Variants in COL4A4 observed in about 807,000 individuals in gnomAD.
The protein encoded by COL4A4 is collagen alpha-4(IV) chain.
A neutral mutation model predicts 192.9 loss-of-function variants in COL4A4; 105 were observed. That is an observed-to-expected ratio of 0.54 (90% CI 0.46 to 0.64). COL4A4 has a LOEUF of 0.64. Among genes scored for constraint, COL4A4 ranks in the 30% least tolerant of loss-of-function variants. COL4A4 has a pLI of 0.00. For missense variants in COL4A4, 1,967 were observed against 2,169.3 expected (o/e 0.91, Z 1.85); for synonymous variants, 762 against 769.9 (o/e 0.99, Z 0.17).
At chr2:227,035,739 G>A (rs570784791) in intron 37 of COL4A4, among the ~76,000 whole-genome samples, 1 of 151,866 alleles carries the variant, frequency 6.6e-6, no homozygotes, top group Admixed American at 6.6e-5. Context: ...ATAAATTTTC[G>A]GGGGGACCAC....
At chr2:227,016,702 C>A (rs986797727) in intron 44 of COL4A4, among the ~76,000 whole-genome samples, 2 of 152,184 alleles carry the variant, frequency 1.3e-5, no homozygotes. Flanking sequence ...TACATCCCTA[C>A]GACCAGCCAG....
chr2:227,077,427 T>C (rs1184766676), intron 25 of COL4A4, among the ~76,000 whole-genome samples: 1 of 152,008 alleles, frequency 6.6e-6, no homozygotes. Context: ...CGCTCATAAG[T>C]GGGAGTTGAA....
chr2:226,989,344 A>G, the COL4A4 span, among the ~76,000 whole-genome samples: 237 of 152,340 alleles, frequency 1.6e-3, no homozygotes, highest in Non-Finnish European at 2.5e-3. Context: ...GGAAAAATCT[A>G]TAGTTAGAAA....
In COL4A4 at chr2:227,030,595, G is replaced by T. The variant is rs757873496; in HGVS notation, c.3821C>A (p.Ala1274Glu). 1 of 1,598,138 alleles carries T rather than the reference G, an allele frequency of 6.3e-7. No homozygotes were observed. The highest frequency in any genetic ancestry group is 8.5e-7 in the Non-Finnish European group (1 of 1,174,248). Residue 1274 changes from alanine (A) to glutamate (E), a missense_variant, in exon 41 of 48, where the codon GCA (alanine) becomes GAA (glutamate). Coordinates refer to ENST00000396625, the MANE Select transcript of COL4A4 (RefSeq NM_000092.5). ...CCCAGGGAGGCCTGGAGGCCCAGGT[G>T]CTCCTGACCACAGAGAAGAGACAAA... The part of the protein sequence containing the change: ...GPPGPDGPRG[A>E]PGPPGLPGSV...
intron 25 of COL4A4, among the ~76,000 whole-genome samples, chr2:227,063,525 T>G (rs1267189855): frequency 6.6e-6 from 1 of 152,110 alleles, no homozygotes; most frequent in Non-Finnish European, 1.5e-5. Context: ...GTTCTAAAAC[T>G]TCACAACTAG....
chr2:227,015,294 C>T (rs956131416), intron 44 of COL4A4, among the ~76,000 whole-genome samples: 4 of 152,224 alleles, frequency 2.6e-5, no homozygotes, highest in East Asian at 3.9e-4. Flanking sequence ...AGTTGCTTAT[C>T]GTAGTGAGAA....
chr2:227,148,696 C>T (rs10173673), intron 1 of COL4A4, among the ~76,000 whole-genome samples: 58,223 of 151,604 alleles, frequency 0.38, 11,316 homozygotes, highest in Non-Finnish European at 0.42. Context: ...AAACTTGACT[C>T]GAAGAAGTCT....
At chr2:227,067,577 T>A (rs1576283689) in intron 25 of COL4A4, among the ~76,000 whole-genome samples, 3 of 151,606 alleles carry the variant, frequency 2.0e-5, no homozygotes, top group East Asian at 1.9e-4. Context: ...TCAAAACCAC[T>A]CAACTACATG....
At position 227,006,478 on chromosome 2, in the gene COL4A4, G is replaced by C. The variant is rs960169362; in HGVS notation, c.*847C>G. 1 of 152,504 alleles carries C rather than the reference G, an allele frequency of 6.6e-6. No homozygotes were observed. The highest frequency in any genetic ancestry group is 1.5e-5 in the Non-Finnish European group (1 of 68,050). 9.4% of individuals were successfully genotyped at this position (152,504 alleles called of 1,614,324 possible). ...GTCTGTCTGGAAGTTCACTGCAATG[G>C]GGAGTCAATTTTTGTGAATAACTAC... On this transcript the variant is annotated 3_prime_UTR_variant, in exon 48 of 48. Coordinates refer to ENST00000396625, the MANE Select transcript of COL4A4 (RefSeq NM_000092.5).
the COL4A4 span, among the ~76,000 whole-genome samples, chr2:226,978,310 C>A: frequency 1.3e-5 from 2 of 152,054 alleles, no homozygotes; most frequent in African/African-American, 4.8e-5. Context: ...GCCTGCTAGC[C>A]CCCCATTAAA....
downstream of COL4A4, chr2:226,999,250 C>T (rs1960342090): frequency 1.3e-5 from 2 of 152,172 alleles, no homozygotes; most frequent in Admixed American, 6.5e-5. Flanking sequence ...CGCACATAAA[C>T]ACTAGTGCCT....
chr2:226,968,055 T>C, the COL4A4 span, among the ~76,000 whole-genome samples: 1 of 152,350 alleles, frequency 6.6e-6, no homozygotes, highest in East Asian at 1.9e-4. Flanking sequence ...TCTGTCCTGC[T>C]CTTGCATAAC....
At chr2:227,145,760 T>G (rs1248905581) in intron 2 of COL4A4, among the ~76,000 whole-genome samples, 1 of 152,204 alleles carries the variant, frequency 6.6e-6, no homozygotes, top group Non-Finnish European at 1.5e-5. Context: ...TACAGATGTT[T>G]ACAGGGCTGT....
At chr2:226,977,644 C>T in the COL4A4 span, among the ~76,000 whole-genome samples, 2 of 152,016 alleles carry the variant, frequency 1.3e-5, no homozygotes, top group Admixed American at 6.5e-5. Context: ...AGTTGTCATC[C>T]GAGGTAAATA....
intron 2 of COL4A4, among the ~76,000 whole-genome samples, chr2:227,145,556 G>A (rs2063496240): frequency 6.6e-6 from 1 of 152,174 alleles, no homozygotes; most frequent in Non-Finnish European, 1.5e-5. Context: ...AAACAGCTGT[G>A]GTTAGAACTT....
At chr2:227,134,684 G>A (rs2062697472) in intron 4 of COL4A4, among the ~76,000 whole-genome samples, 1 of 152,220 alleles carries the variant, frequency 6.6e-6, no homozygotes, top group South Asian at 2.1e-4. Flanking sequence ...TAAGGGATGA[G>A]TGAATGAGAT....
At chr2:227,020,725 C>G (rs1483349209) in intron 44 of COL4A4, among the ~76,000 whole-genome samples, 2 of 152,052 alleles carry the variant, frequency 1.3e-5, no homozygotes, top group Non-Finnish European at 2.9e-5. Flanking sequence ...AAGAATTTGC[C>G]CATGAGTTTT....
the COL4A4 span, among the ~76,000 whole-genome samples, chr2:226,967,421 A>C: frequency 7.2e-5 from 11 of 152,158 alleles, no homozygotes; most frequent in Admixed American, 2.0e-4. Flanking sequence ...TTTAGGGTAC[A>C]TGTGCACAAT....
intron 7 of COL4A4, among the ~76,000 whole-genome samples, chr2:227,117,305 C>T (rs2061539611): frequency 6.6e-6 from 1 of 152,164 alleles, no homozygotes; most frequent in African/African-American, 2.4e-5. Flanking sequence ...CTCTTGAATG[C>T]TCATGAATCT....
Sources: allele counts gnomAD v4.1 joint callset (sites outside exome capture counted in the v4.1 genomes callset), GRCh38; gene constraint gnomAD v4.1.1; transcripts MANE v1.5; gene names NCBI Gene and HGNC (gene_info 2026-07-23, HGNC 2026-07-21).